Variants in USP7 observed in about 807,000 individuals in gnomAD.
USP7 encodes ubiquitin specific peptidase 7.
A neutral mutation model predicts 162.9 loss-of-function variants in USP7; 9 were observed. The ratio of observed to expected loss-of-function variants is 0.06; its 90% CI spans 0.03 to 0.10. The LOEUF (loss-of-function observed/expected upper bound fraction) is 0.10, where lower values mean the gene tolerates loss of function less well. USP7 is among the 10% of genes least tolerant of loss of function. USP7 has a pLI of 1.00. For missense variants in USP7, 715 were observed against 1,373.7 expected (o/e 0.52, Z 7.58); for synonymous variants, 562 against 475.9 (o/e 1.18, Z -2.35).
chr16:8,915,120 T>C, intron 10 of USP7, 134 bp downstream of exon 10: 2 of 824,168 alleles, frequency 2.4e-6, no homozygotes, highest in Non-Finnish European at 3.6e-6. Flanking sequence ...GTTCACCCAG[T>C]GAGCTGTTTG....
chr16:8,916,487 T>G lies in USP7; in HGVS notation c.906+15A>C. ...ATTCATTGTAAGAAATATACAAGTA[T>G]TGCTTGAAACTTACCACTCGACAAA... is the stretch of plus-strand genomic sequence containing the variant. On this transcript the variant is annotated intron_variant, in intron 8 of 30. Transcript: ENST00000344836. 1 of 1,605,462 alleles carries G rather than the reference T, an allele frequency of 6.2e-7. No individual in the cohort carries two copies.
At chr16:8,913,467 T>C (rs1363458346) in intron 10 of USP7, among the ~76,000 whole-genome samples, 3 of 151,956 alleles carry the variant, frequency 2.0e-5, no homozygotes, top group Non-Finnish European at 2.9e-5. Context: ...GTAAGGACAC[T>C]ACAGCCCACT....
intron 1 of USP7, among the ~76,000 whole-genome samples, chr16:8,955,355 C>T (rs1899742992): frequency 6.6e-6 from 1 of 152,296 alleles, no homozygotes; most frequent in Middle Eastern, 3.4e-3. Flanking sequence ...AGTGATCCTC[C>T]CACCTCGGCC....
rs748099582 is a variant in USP7, at chr16:8,894,499, G to C, written c.3202+51C>G. The C allele has an allele frequency of 3.8e-6, 6 of 1,583,004 alleles. No homozygotes were observed. The Admixed American group carries it at 5.4e-5, about 14-fold the overall frequency. The stretch of plus-strand genomic sequence containing the variant: ...TGCCCCTCCCAGCCCCAGACCACTT[G>C]TTTCTTAGTCTGAAACCCACACCAG... On this transcript the variant is annotated intron_variant, in intron 30 of 30. Transcript: ENST00000344836.
At chr16:8,912,822 A>G (rs2061969241) in intron 10 of USP7, among the ~76,000 whole-genome samples, 1 of 152,172 alleles carries the variant, frequency 6.6e-6, no homozygotes, top group Non-Finnish European at 1.5e-5. Flanking sequence ...TTTCATTTAA[A>G]AAAAATCCAA....
At chr16:8,948,718 A>T (rs1243764437) in intron 1 of USP7, among the ~76,000 whole-genome samples, 2 of 152,180 alleles carry the variant, frequency 1.3e-5, no homozygotes, top group East Asian at 3.8e-4. Flanking sequence ...AAGTAAAAGC[A>T]GCCAAAAACA....
intron 23 of USP7, 134 bp from the exon 24 acceptor site, chr16:8,898,773 T>TA: frequency 1.4e-6 from 1 of 694,036 alleles, no homozygotes; most frequent in Non-Finnish European, 2.3e-6. Flanking sequence ...GGGTTTAACT[T>TA]AATACTCCTG....
At position 8,893,957 on chromosome 16, in the gene USP7, A is replaced by T; in HGVS notation, c.*41T>A. 6.3e-7 allele frequency: 1 copy of T among 1,589,516 alleles called. No individual in the cohort carries two copies. The highest frequency in any genetic ancestry group is 8.6e-7 in the Non-Finnish European group (1 of 1,157,500). ...CAAAGTTCTAGGCTGTTAAGGGGCC[A>T]CCCACACACCGTCCTCGCCTTGAAC... On this transcript the variant is annotated 3_prime_UTR_variant, in exon 31 of 31. Coordinates refer to ENST00000344836, the MANE Select transcript of USP7 (RefSeq NM_003470.3).
chr16:8,916,346 T>A (rs1207016561), intron 8 of USP7, among the ~76,000 whole-genome samples, 156 bp downstream of exon 8: 1 of 152,246 alleles, frequency 6.6e-6, no homozygotes, highest in East Asian at 1.9e-4. Context: ...CCAGCCTTTA[T>A]AACTAGACAT....
intron 1 of USP7, among the ~76,000 whole-genome samples, chr16:8,953,497 G>T (rs1899653988): frequency 6.6e-6 from 1 of 151,736 alleles, no homozygotes; most frequent in Non-Finnish European, 1.5e-5. Flanking sequence ...TTGGGGAGAA[G>T]ACACGTGCCC....
chr16:8,925,115 G>A (rs1299064506), intron 2 of USP7, among the ~76,000 whole-genome samples: 2 of 152,322 alleles, frequency 1.3e-5, no homozygotes, highest in East Asian at 3.9e-4. Flanking sequence ...CTGCAAGGTA[G>A]ACAAGAGACA....
chr16:8,933,804 G>A (rs575798959), intron 1 of USP7, among the ~76,000 whole-genome samples: 12 of 150,548 alleles, frequency 8.0e-5, no homozygotes, highest in Non-Finnish European at 1.6e-4. Context: ...CTCCCAGGCT[G>A]GAGTGCAGTG....
At chr16:8,922,306 T>A (rs979127909) in intron 3 of USP7, among the ~76,000 whole-genome samples, 1 of 152,138 alleles carries the variant, frequency 6.6e-6, no homozygotes, top group Admixed American at 6.5e-5. Context: ...CTGGCCAACA[T>A]GGTGAAACCC....
At position 8,892,505 on chromosome 16, in the gene USP7, C is replaced by T. The variant is rs2061613345; in HGVS notation, c.*1493G>A. The T allele has an allele frequency of 6.6e-6, 1 of 151,850 alleles. No homozygotes were observed. Among genetic ancestry groups the T allele is most frequent in the Admixed American group, 6.6e-5 (1 of 15,244 alleles). 9.4% of individuals were successfully genotyped at this position (151,850 alleles called of 1,614,324 possible). A position where few individuals can be genotyped will look rare whatever the true frequency, so the allele number is the denominator to read the frequency against. ...GATAGCGCCTGCCGCCCCGAAGGGCCTCGTGACACATCAGGTCACATCTCC... is the reference window on the plus strand; with the variant it reads ...GATAGCGCCTGCCGCCCCGAAGGGCTTCGTGACACATCAGGTCACATCTCC... On this transcript the variant is annotated 3_prime_UTR_variant, in exon 31 of 31. Coordinates refer to ENST00000344836, the MANE Select transcript of USP7 (RefSeq NM_003470.3).
At chr16:8,899,570 G>T in intron 22 of USP7, 34 bp downstream of exon 22, 1 of 1,603,012 alleles carries the variant, frequency 6.2e-7, no homozygotes, top group Non-Finnish European at 8.5e-7. Flanking sequence ...TTCTGGAGTG[G>T]GATCTGAAGA....
At chr16:8,941,680 T>G (rs1899051842) in intron 1 of USP7, among the ~76,000 whole-genome samples, 1 of 152,156 alleles carries the variant, frequency 6.6e-6, no homozygotes, top group Non-Finnish European at 1.5e-5. Context: ...CAGGCCGTGT[T>G]GGTGTGGTGA....
intron 1 of USP7, among the ~76,000 whole-genome samples, chr16:8,956,696 G>A (rs1899817999): frequency 6.6e-6 from 1 of 152,014 alleles, no homozygotes; most frequent in East Asian, 1.9e-4. Flanking sequence ...CCAGGGGTCA[G>A]AGGTTGCAGT....
In USP7 at chr16:8,963,624, T is replaced by TGCGGGGCC. The variant is rs1027250145; in HGVS notation, c.-347_-340dup. ...CCGCCGCCGGGGCCGGGGCCGGGGC[T>TGCGGGGCC]GCGGGGCCGCGGGCCGGCCGGGGGC... is the stretch of plus-strand genomic sequence containing the variant. On this transcript the variant is annotated 5_prime_UTR_variant, in exon 1 of 31. Coordinates refer to ENST00000344836, the MANE Select transcript of USP7 (RefSeq NM_003470.3). The TGCGGGGCC allele has an allele frequency of 1.5e-5, 2 of 134,758 alleles. No homozygotes were observed. The highest frequency in any genetic ancestry group is 2.6e-4 in the South Asian group (1 of 3,882). The allele number at this position is 134,758 out of a possible 1,614,324, so 8.3% of individuals were successfully genotyped here.
chr16:8,926,991 G>C (rs1898039102), intron 2 of USP7, among the ~76,000 whole-genome samples: 1 of 152,156 alleles, frequency 6.6e-6, no homozygotes, highest in Non-Finnish European at 1.5e-5. Flanking sequence ...CAGGGCAAAG[G>C]CCAATAGACC....
Sources: allele counts gnomAD v4.1 joint callset (sites outside exome capture counted in the v4.1 genomes callset), GRCh38; gene constraint gnomAD v4.1.1; transcripts MANE v1.5; gene names NCBI Gene and HGNC (gene_info 2026-07-23, HGNC 2026-07-21).